The following TENM4 variants were observed in gnomAD, a reference collection of about 807,000 sequenced individuals.
The protein encoded by TENM4 is teneurin-4.
In TENM4, 82 loss-of-function variants were observed where a neutral mutation model predicts 243.3. The ratio of observed to expected loss-of-function variants is 0.34; its 90% CI spans 0.28 to 0.40. TENM4 has a LOEUF of 0.40. Ranked by LOEUF, TENM4 falls within the 10% of genes least tolerant of loss-of-function variation. The probability of loss-of-function intolerance (pLI) is 1.00; values close to 1 mark genes in which losing one functional copy is unlikely to be tolerated. For missense variants in TENM4, 3,138 were observed against 3,673.3 expected, an observed-to-expected ratio of 0.85 and a Z score of 3.77; for synonymous variants, 1,412 against 1,456.3, an observed-to-expected ratio of 0.97 and a Z score of 0.69.
chr11:79,091,686 C>T (rs1860954975), intron 4 of TENM4, among the ~76,000 whole-genome samples: 1 of 152,162 alleles, frequency 6.6e-6, no homozygotes, highest in African/African-American at 2.4e-5. Context: ...CCCCAGGTGA[C>T]TCCTATGACA....
intron 1 of TENM4, among the ~76,000 whole-genome samples, chr11:79,398,739 A>G (rs1327107200): frequency 1.1e-5 from 1 of 92,166 alleles, no homozygotes; most frequent in Non-Finnish European, 2.0e-5. Context: ...AGATGCTTTA[A>G]AAAAAAAAAA....
At chr11:79,157,367 T>C (rs1016605840) in intron 3 of TENM4, among the ~76,000 whole-genome samples, 3 of 152,114 alleles carry the variant, frequency 2.0e-5, no homozygotes, top group Admixed American at 1.3e-4. Flanking sequence ...CAACGTGGAG[T>C]AAATCTCTGA....
chr11:78,801,177 T>A (rs473399), intron 15 of TENM4, among the ~76,000 whole-genome samples: 112,444 of 152,022 alleles, frequency 0.74, 42,272 homozygotes, highest in Non-Finnish European at 0.8. Context: ...TGGATTTAAT[T>A]CAAACTGCCT....
chr11:78,903,169 G>A (rs1855970356), intron 7 of TENM4, 99 bp downstream of exon 7: 8 of 1,395,780 alleles, frequency 5.7e-6, no homozygotes, highest in East Asian at 2.9e-5. Context: ...TCCGGCCGGC[G>A]TTATCTGGGG....
intron 1 of TENM4, among the ~76,000 whole-genome samples, chr11:79,423,745 T>C (rs1181492716): frequency 6.6e-6 from 1 of 151,904 alleles, no homozygotes; most frequent in Non-Finnish European, 1.5e-5. Context: ...TAGAAGAGTC[T>C]CTTTGGTTGA....
At chr11:79,401,851 T>C (rs1346382092) in intron 1 of TENM4, among the ~76,000 whole-genome samples, 1 of 152,176 alleles carries the variant, frequency 6.6e-6, no homozygotes, top group African/African-American at 2.4e-5. Context: ...TTGGCAGTGC[T>C]GTGGAGCATT....
At chr11:78,836,514 G>T (rs759058192) in intron 12 of TENM4, among the ~76,000 whole-genome samples, 14 of 152,160 alleles carry the variant, frequency 9.2e-5, no homozygotes, top group Non-Finnish European at 1.6e-4. Flanking sequence ...ATGTCATTGT[G>T]TTCAGTAAGC....
intron 6 of TENM4, among the ~76,000 whole-genome samples, chr11:78,938,546 A>AG (rs1439669225): frequency 6.6e-6 from 1 of 152,216 alleles, no homozygotes; most frequent in Non-Finnish European, 1.5e-5. Context: ...TAAGTTGAGA[A>AG]CAAAAATAAC....
chr11:79,377,359 T>C (rs538786471), intron 1 of TENM4, among the ~76,000 whole-genome samples: 186 of 152,328 alleles, frequency 1.2e-3, no homozygotes, highest in African/African-American at 4.1e-3. Flanking sequence ...GGCTAGTGGA[T>C]GGTTCTGAGG....
At chr11:78,857,429 T>C (rs1858706645) in intron 10 of TENM4, among the ~76,000 whole-genome samples, 1 of 152,226 alleles carries the variant, frequency 6.6e-6, no homozygotes, top group Non-Finnish European at 1.5e-5. Context: ...GCACATTTGA[T>C]GCTGAAATGA....
At chr11:79,329,450 A>G (rs1464175649) in intron 1 of TENM4, among the ~76,000 whole-genome samples, 1 of 152,182 alleles carries the variant, frequency 6.6e-6, no homozygotes, top group Non-Finnish European at 1.5e-5. Flanking sequence ...TGGTGGAGAG[A>G]TGGCAAATTA....
intron 1 of TENM4, among the ~76,000 whole-genome samples, chr11:79,335,587 A>T (rs1363024032): frequency 1.3e-5 from 2 of 152,200 alleles, no homozygotes; most frequent in East Asian, 3.8e-4. Flanking sequence ...TCCTTCTCAG[A>T]AGACACCAGA....
chr11:79,347,016 C>T (rs1306288810), intron 1 of TENM4, among the ~76,000 whole-genome samples: 1 of 152,174 alleles, frequency 6.6e-6, no homozygotes, highest in African/African-American at 2.4e-5. Context: ...AAGCTCTATC[C>T]TGGGTTTCAC....
At chr11:78,956,329 A>T (rs544640617) in intron 6 of TENM4, among the ~76,000 whole-genome samples, 1 of 152,214 alleles carries the variant, frequency 6.6e-6, no homozygotes, top group South Asian at 2.1e-4. Context: ...CATCAAAGAA[A>T]GGGGGCCCGA....
At chr11:78,860,432 T>C (rs1340456341) in intron 10 of TENM4, among the ~76,000 whole-genome samples, 1 of 152,238 alleles carries the variant, frequency 6.6e-6, no homozygotes, top group African/African-American at 2.4e-5. Context: ...CATTTACCCC[T>C]TTCTATCACA....
At chr11:79,320,895 AG>A (rs1286903371) in intron 1 of TENM4, among the ~76,000 whole-genome samples, 1 of 152,184 alleles carries the variant, frequency 6.6e-6, no homozygotes, top group Non-Finnish European at 1.5e-5. Context: ...CCAAGGCCAC[AG>A]GGCTAAAAAC....
chr11:79,366,589 G>T (rs552875367), intron 1 of TENM4, among the ~76,000 whole-genome samples: 2 of 152,190 alleles, frequency 1.3e-5, no homozygotes, highest in Non-Finnish European at 2.9e-5. Context: ...GAGTTCCAAA[G>T]GTAATGTAAC....
intron 1 of TENM4, among the ~76,000 whole-genome samples, chr11:79,425,635 G>T (rs1228684012): frequency 6.6e-6 from 1 of 152,174 alleles, no homozygotes; most frequent in Non-Finnish European, 1.5e-5. Flanking sequence ...GTGTTGCTGT[G>T]CTCAGCACAC....
chr11:78,770,130 A>G (rs992630189), intron 18 of TENM4, among the ~76,000 whole-genome samples: 12 of 152,228 alleles, frequency 7.9e-5, no homozygotes, highest in African/African-American at 2.9e-4. Flanking sequence ...TCATATCTTT[A>G]TCTTTTTATT....
Sources: gnomAD v4.1 joint callset for allele counts (sites outside exome capture counted in the v4.1 genomes callset) on GRCh38, gnomAD v4.1.1 for gene constraint, MANE v1.5 for transcripts, NCBI Gene and HGNC (gene_info 2026-07-23, HGNC 2026-07-21) for gene names.